Variants in RPS6KA2 observed in about 807,000 individuals in gnomAD.
The protein encoded by RPS6KA2 is ribosomal protein S6 kinase alpha-2.
RPS6KA2 carries 42 observed loss-of-function variants against 91.8 expected under a neutral mutation model. The ratio of observed to expected loss-of-function variants is 0.46; its 90% CI spans 0.36 to 0.59. RPS6KA2 has a LOEUF of 0.59. Ranked by LOEUF, RPS6KA2 falls within the 20% of genes least tolerant of loss-of-function variation. RPS6KA2 has a pLI of 0.00. For missense variants in RPS6KA2, 798 were observed against 978.5 expected (o/e 0.82, Z 2.46); for synonymous variants, 414 against 393.6 (o/e 1.05, Z -0.61).
At chr6:166,745,100 C>T (rs1443487588) in intron 2 of RPS6KA2, among the ~76,000 whole-genome samples, 3 of 151,258 alleles carry the variant, frequency 2.0e-5, no homozygotes, top group Non-Finnish European at 2.9e-5. Context: ...GTCCTTCCCC[C>T]TGTCCTCATG....
intron 2 of RPS6KA2, among the ~76,000 whole-genome samples, chr6:166,808,356 C>T (rs981133678): frequency 6.6e-6 from 1 of 152,214 alleles, no homozygotes; most frequent in Non-Finnish European, 1.5e-5. Context: ...CAAGAAATCT[C>T]CAGCATGTCC....
At chr6:166,477,887 G>A (rs1781034987) in intron 10 of RPS6KA2, among the ~76,000 whole-genome samples, 1 of 152,224 alleles carries the variant, frequency 6.6e-6, no homozygotes, top group South Asian at 2.1e-4. Flanking sequence ...ATCAGCCTGG[G>A]CAACAGAGCA....
chr6:166,652,769 C>T (rs563872958), intron 2 of RPS6KA2, among the ~76,000 whole-genome samples: 1 of 152,142 alleles, frequency 6.6e-6, no homozygotes, highest in Non-Finnish European at 1.5e-5. Flanking sequence ...GTGAATCGTA[C>T]CGAGATTTTC....
intron 2 of RPS6KA2, among the ~76,000 whole-genome samples, chr6:166,809,202 G>A (rs1779570496): frequency 6.6e-6 from 1 of 152,140 alleles, no homozygotes; most frequent in Non-Finnish European, 1.5e-5. Flanking sequence ...ATGTGTAGCA[G>A]GGGAGTCCTG....
chr6:166,606,305 C>G (rs1159740897), intron 1 of RPS6KA2, among the ~76,000 whole-genome samples: 1 of 152,186 alleles, frequency 6.6e-6, no homozygotes, highest in African/African-American at 2.4e-5. Flanking sequence ...ATGAGAGACC[C>G]AAAGCTGAAT....
chr6:166,731,199 G>C (rs1232337631), intron 2 of RPS6KA2, among the ~76,000 whole-genome samples: 1 of 151,994 alleles, frequency 6.6e-6, no homozygotes, highest in Non-Finnish European at 1.5e-5. Context: ...CCGAGATTGC[G>C]CCATTGCACT....
intron 12 of RPS6KA2, among the ~76,000 whole-genome samples, chr6:166,456,017 C>T (rs564239756): frequency 4.6e-4 from 70 of 152,194 alleles, no homozygotes; most frequent in Non-Finnish European, 9.3e-4. Flanking sequence ...GGAGTGTGTG[C>T]GGGGGTGGGG....
chr6:166,828,738 G>A (rs886762410), intron 2 of RPS6KA2, among the ~76,000 whole-genome samples: 22 of 152,176 alleles, frequency 1.4e-4, no homozygotes, highest in African/African-American at 4.8e-4. Context: ...AAGAAAAGAT[G>A]AGAAAAGCTT....
At chr6:166,618,811 A>C (rs1272931239) in intron 1 of RPS6KA2, among the ~76,000 whole-genome samples, 1 of 152,164 alleles carries the variant, frequency 6.6e-6, no homozygotes, top group Non-Finnish European at 1.5e-5. Context: ...TCCCTCCATC[A>C]GTTGTTGTTC....
chr6:166,413,378 C>T (rs1778385115), intron 20 of RPS6KA2, among the ~76,000 whole-genome samples: 2 of 152,170 alleles, frequency 1.3e-5, no homozygotes, highest in Non-Finnish European at 2.9e-5. Flanking sequence ...GGGGGCGGCT[C>T]TTAACTGGAT....
At chr6:166,510,562 TATATA>T (rs1489667666) in intron 3 of RPS6KA2, among the ~76,000 whole-genome samples, 23 of 12,582 alleles carry the variant, frequency 1.8e-3, no homozygotes, top group Non-Finnish European at 3.6e-3. Context: ...CTCATATATA[TATATA>T]TATATATATA....
At chr6:166,736,522 T>C (rs1427661007) in intron 2 of RPS6KA2, among the ~76,000 whole-genome samples, 2 of 152,212 alleles carry the variant, frequency 1.3e-5, no homozygotes, top group African/African-American at 2.4e-5. Flanking sequence ...CAGTAAAATA[T>C]ATCCAAACTC....
chr6:166,809,897 A>C (rs551311564), intron 2 of RPS6KA2, among the ~76,000 whole-genome samples: 28 of 152,354 alleles, frequency 1.8e-4, no homozygotes, highest in African/African-American at 6.5e-4. Flanking sequence ...TGGCCATGTG[A>C]TGCTGGGGGA....
At chr6:166,518,306 T>C (rs1311788177) in intron 3 of RPS6KA2, among the ~76,000 whole-genome samples, 2 of 149,198 alleles carry the variant, frequency 1.3e-5, no homozygotes, top group Non-Finnish European at 3.0e-5. Flanking sequence ...TGAACACTTA[T>C]CTGGTGTCTG....
At chr6:166,823,515 T>C (rs990267831) in intron 2 of RPS6KA2, among the ~76,000 whole-genome samples, 2 of 151,900 alleles carry the variant, frequency 1.3e-5, no homozygotes, top group African/African-American at 4.8e-5. Flanking sequence ...TTGAAATACT[T>C]GTAGCTGAAA....
intron 12 of RPS6KA2, among the ~76,000 whole-genome samples, chr6:166,455,757 CAA>C (rs1780084408): frequency 2.0e-5 from 3 of 152,350 alleles, no homozygotes; most frequent in South Asian, 2.1e-4. Context: ...GCTCTCTGCA[CAA>C]AGTCTGGCTT....
intron 14 of RPS6KA2, among the ~76,000 whole-genome samples, chr6:166,446,782 G>A (rs2281057): frequency 0.15 from 23,009 of 152,138 alleles, 3,770 homozygotes; most frequent in African/African-American, 0.41. Context: ...TGACCAAACC[G>A]TAGGCTTGTT....
At chr6:166,681,310 C>T (rs999905444) in intron 2 of RPS6KA2, among the ~76,000 whole-genome samples, 2 of 152,182 alleles carry the variant, frequency 1.3e-5, no homozygotes, top group African/African-American at 4.8e-5. Context: ...TTTCCTGATA[C>T]AAATGATGCT....
At chr6:166,652,462 C>T (rs929505946) in intron 2 of RPS6KA2, among the ~76,000 whole-genome samples, 38 of 152,000 alleles carry the variant, frequency 2.5e-4, no homozygotes, top group African/African-American at 8.0e-4. Flanking sequence ...TTATTCTCTT[C>T]GGGGAACTTA....
Sources: allele counts gnomAD v4.1 joint callset (sites outside exome capture counted in the v4.1 genomes callset), GRCh38; gene constraint gnomAD v4.1.1; transcripts MANE v1.5; gene names NCBI Gene and HGNC (gene_info 2026-07-23, HGNC 2026-07-21).